The following RCOR1 variants were observed in gnomAD, a reference collection of about 807,000 sequenced individuals.
RCOR1 encodes REST corepressor.
In RCOR1, 12 loss-of-function variants were observed where a neutral mutation model predicts 64.0. That is an observed-to-expected ratio of 0.19 (90% confidence interval 0.12 to 0.30). RCOR1 has a LOEUF of 0.30. Among genes scored for constraint, RCOR1 ranks in the 10% least tolerant of loss-of-function variants. RCOR1 has a pLI of 1.00. For missense variants in RCOR1, 502 were observed against 621.2 expected (o/e 0.81, Z 2.04); for synonymous variants, 279 against 227.2 (o/e 1.23, Z -2.05).
intron 2 of RCOR1, among the ~76,000 whole-genome samples, chr14:102,621,549 C>CT (rs1893874661): frequency 6.6e-6 from 1 of 151,866 alleles, no homozygotes; most frequent in South Asian, 2.1e-4. Context: ...CTCAGGTTGT[C>CT]TTTCTCCTGC....
intron 5 of RCOR1, 56 bp downstream of exon 5, chr14:102,707,568 G>A (rs1217676773): frequency 6.5e-6 from 9 of 1,392,394 alleles, no homozygotes; most frequent in Non-Finnish European, 8.8e-6. Context: ...ACTCTCTTTT[G>A]CAGCATACTT....
At chr14:102,664,164 G>A (rs780678908) in intron 2 of RCOR1, among the ~76,000 whole-genome samples, 5 of 152,160 alleles carry the variant, frequency 3.3e-5, no homozygotes, top group African/African-American at 1.2e-4. Flanking sequence ...GGAGTGCAGT[G>A]GTGCAGTCTT....
At chr14:102,676,929 ACGGGGCGGCTGGCCGGG>A in intron 2 of RCOR1, among the ~76,000 whole-genome samples, 1 of 71,740 alleles carries the variant, frequency 1.4e-5, no homozygotes, top group African/African-American at 6.2e-5. Flanking sequence ...TCCCTCCCGG[ACGGGGCGGCTGGCCGGG>A]CAGAGGGGCT....
chr14:102,692,557 C>T (rs1171811847), intron 3 of RCOR1, among the ~76,000 whole-genome samples: 20 of 152,042 alleles, frequency 1.3e-4, no homozygotes, highest in African/African-American at 4.8e-4. Context: ...CGGATCTTTT[C>T]GGTATGCTTA....
intron 4 of RCOR1, among the ~76,000 whole-genome samples, chr14:102,705,393 C>T (rs574911922): frequency 2.6e-5 from 4 of 152,234 alleles, no homozygotes; most frequent in Admixed American, 2.6e-4. Flanking sequence ...CTTTCTAGAT[C>T]AGTGTAATAA....
chr14:102,615,599 C>T (rs1315177782), intron 2 of RCOR1, among the ~76,000 whole-genome samples: 2 of 151,966 alleles, frequency 1.3e-5, no homozygotes, highest in African/African-American at 4.8e-5. Flanking sequence ...CAGGTGTGCA[C>T]CACCATGCCT....
At chr14:102,593,611 C>T (rs938267706) in intron 2 of RCOR1, among the ~76,000 whole-genome samples, 1 of 152,224 alleles carries the variant, frequency 6.6e-6, no homozygotes, top group Non-Finnish European at 1.5e-5. Flanking sequence ...CCACACCTGG[C>T]CTGGGGGCGC....
At chr14:102,605,067 C>CA (rs71119718) in intron 2 of RCOR1, among the ~76,000 whole-genome samples, 1,093 of 93,748 alleles carry the variant, frequency 0.012, 7 homozygotes, top group Non-Finnish European at 0.015. Flanking sequence ...TATTCCATCT[C>CA]AAAAAAAAAA....
chr14:102,726,459 T>C lies in RCOR1; in HGVS notation c.1420-9T>C, dbSNP rs772803923. On this transcript the variant is annotated splice_polypyrimidine_tract_variant and intron_variant, in intron 11 of 11. Coordinates refer to ENST00000262241, the MANE Select transcript of RCOR1 (RefSeq NM_015156.4). ...ATCCTTTTTTTTTTTTTTTTCCTCT[T>C]GGCCTCAGGCTCCTGTTCTGGATGT... The C allele has an allele frequency of 1.9e-6, 3 of 1,584,320 alleles. No homozygotes were observed. In the Admixed American group the frequency reaches 5.4e-5, roughly 28 times the overall value.
At position 102,593,084 on chromosome 14, in the gene RCOR1, T is replaced by A. The variant is rs1893166340; in HGVS notation, c.198T>A (p.Asn66Lys). ...CCGCCTCAGCCGCCGCCGCCCCCAA[T>A]AATGGCCAGAATAAAAGTTTGGCGG... ...AAAASAAAAP[N>K]NGQNKSLAAA... Residue 66 changes from asparagine to lysine, a missense_variant, in exon 1 of 12, where the codon AAT becomes AAA. This residue lies in a region of RCOR1 where 242 missense variants were observed against 204.9 expected (regional missense o/e 1.18). Transcript: ENST00000262241. 6.9e-7 allele frequency: 1 copy of A among 1,459,256 alleles called. No individual in the cohort carries two copies. Among genetic ancestry groups the A allele is most frequent in the East Asian group, 3.0e-5 (1 of 32,974 alleles). The allele number at this position is 1,459,256 out of a possible 1,614,324, so 90.4% of individuals were successfully genotyped here. A position where few individuals can be genotyped will look rare whatever the true frequency, so the allele number is the denominator to read the frequency against.
chr14:102,603,281 T>C (rs990339988), intron 2 of RCOR1, among the ~76,000 whole-genome samples: 2 of 152,108 alleles, frequency 1.3e-5, no homozygotes, highest in African/African-American at 4.8e-5. Context: ...GTGTTTTAGC[T>C]AAGTATCGAT....
intron 2 of RCOR1, among the ~76,000 whole-genome samples, chr14:102,640,047 G>A (rs1348867587): frequency 1.3e-5 from 2 of 152,216 alleles, no homozygotes; most frequent in African/African-American, 2.4e-5. Flanking sequence ...GTTTCACCAT[G>A]TTAGTCAGGC....
At chr14:102,632,776 TCCC>T (rs137886062) in intron 2 of RCOR1, among the ~76,000 whole-genome samples, 2,009 of 55,672 alleles carry the variant, frequency 0.036, 252 homozygotes, top group Non-Finnish European at 0.046. Flanking sequence ...TCCCCTCTCC[TCCC>T]CTCTCCTCTC....
chr14:102,601,213 A>G (rs539777342), intron 2 of RCOR1, among the ~76,000 whole-genome samples: 21 of 151,372 alleles, frequency 1.4e-4, no homozygotes, highest in African/African-American at 4.1e-4. Context: ...GGGTTTCACT[A>G]TGGTGGCCAG....
At chr14:102,717,341 C>T (rs1029834703) in intron 8 of RCOR1, among the ~76,000 whole-genome samples, 8 of 152,198 alleles carry the variant, frequency 5.3e-5, no homozygotes, top group South Asian at 2.1e-4. Context: ...ATCTCATAGA[C>T]GCGAAGAGCA....
chr14:102,607,213 G>A (rs1160896806), intron 2 of RCOR1, among the ~76,000 whole-genome samples: 4 of 152,186 alleles, frequency 2.6e-5, no homozygotes, highest in East Asian at 3.9e-4. Context: ...GATTATAGGC[G>A]TGAGCCACCG....
chr14:102,720,061 C>T (rs1294101024), intron 8 of RCOR1, among the ~76,000 whole-genome samples: 1 of 152,104 alleles, frequency 6.6e-6, no homozygotes, highest in East Asian at 1.9e-4. Context: ...AGATTAATTA[C>T]AAGTGAAAAA....
chr14:102,678,169 G>T (rs1029064230), intron 2 of RCOR1, among the ~76,000 whole-genome samples: 1 of 152,162 alleles, frequency 6.6e-6, no homozygotes, highest in Non-Finnish European at 1.5e-5. Flanking sequence ...TCCAGCTTTG[G>T]CTCGGCATCA....
chr14:102,593,348 C>T (rs757745878), intron 2 of RCOR1, 23 bp downstream of exon 2: 3 of 1,522,378 alleles, frequency 2.0e-6, no homozygotes, highest in South Asian at 1.2e-5. Context: ...CCCGGCCGGC[C>T]GGCGGCGGGG....
Sources: allele counts gnomAD v4.1 joint callset (sites outside exome capture counted in the v4.1 genomes callset), GRCh38; gene constraint gnomAD v4.1.1; regional missense constraint gnomAD v4.1.1; transcripts MANE v1.5; gene names NCBI Gene and HGNC (gene_info 2026-07-23, HGNC 2026-07-21).